Variants in LRFN2 observed in about 807,000 individuals in gnomAD.
LRFN2 encodes leucine-rich repeat and fibronectin type-III domain-containing protein 2.
Under a neutral mutation model 37.3 loss-of-function variants are expected in LRFN2, and 18 were observed. The observed-to-expected ratio is 0.48, with a 90% confidence interval of 0.33 to 0.72. The LOEUF is 0.72. LRFN2 is among the 30% of genes least tolerant of loss of function. The pLI is 0.02. For missense variants in LRFN2, 1,006 were observed against 1,060.7 expected, an observed-to-expected ratio of 0.95 and a Z score of 0.72; for synonymous variants, 556 against 466.6, an observed-to-expected ratio of 1.19 and a Z score of -2.47.
chr6:40,494,364 C>T (rs531367178), intron 1 of LRFN2, among the ~76,000 whole-genome samples: 1 of 152,260 alleles, frequency 6.6e-6, no homozygotes, highest in South Asian at 2.1e-4. Context: ...GGCTTAGTTT[C>T]CCCACCCCCG....
At chr6:40,533,936 C>T (rs1047372056) in intron 1 of LRFN2, among the ~76,000 whole-genome samples, 2 of 152,192 alleles carry the variant, frequency 1.3e-5, no homozygotes, top group African/African-American at 4.8e-5. Flanking sequence ...CCAAATTCAC[C>T]GGACACTCGG....
In LRFN2 at chr6:40,431,940, G is replaced by C. The variant is rs1763498576; in HGVS notation, c.1174C>G (p.Pro392Ala). 1 of 1,613,574 alleles carries C rather than the reference G, an allele frequency of 6.2e-7. No homozygotes were observed. Among genetic ancestry groups the C allele is most frequent in the Non-Finnish European group, 8.5e-7 (1 of 1,179,966 alleles). ...LSNSTSRTAP[P>A]KSRLSDITGS... ...GTGATGTCTGAGAGGCGGGACTTGG[G>C]GGGTGCAGTGCGGCTGGTGCTGTTG... The change falls in exon 2 of 3, where the codon CCC (proline) becomes GCC (alanine). Residue 392 changes from proline to alanine, a missense_variant. By Grantham distance (27) the Pro-to-Ala change is conservative. Coordinates refer to ENST00000338305, the MANE Select transcript of LRFN2 (RefSeq NM_020737.3).
At chr6:40,514,173 G>A (rs1420065143) in intron 1 of LRFN2, among the ~76,000 whole-genome samples, 2 of 152,208 alleles carry the variant, frequency 1.3e-5, no homozygotes, top group African/African-American at 4.8e-5. Context: ...ATGCTCTACA[G>A]GGTGTTCTGT....
chr6:40,507,954 C>G (rs77224137), intron 1 of LRFN2, among the ~76,000 whole-genome samples: 5 of 152,258 alleles, frequency 3.3e-5, no homozygotes, highest in African/African-American at 1.2e-4. Flanking sequence ...TAGCTGTCCT[C>G]AAGGTGGGAG....
intron 1 of LRFN2, among the ~76,000 whole-genome samples, chr6:40,559,166 C>T (rs1766946193): frequency 6.6e-6 from 1 of 152,006 alleles, no homozygotes; most frequent in Non-Finnish European, 1.5e-5. Context: ...AGAGAGGCTA[C>T]TCTGTGTCAA....
chr6:40,527,742 T>C (rs1159148428), intron 1 of LRFN2, among the ~76,000 whole-genome samples: 1 of 152,200 alleles, frequency 6.6e-6, no homozygotes, highest in African/African-American at 2.4e-5. Flanking sequence ...TCATTAATGA[T>C]CAGTTAATGA....
At chr6:40,418,344 T>G (rs1045212682) in intron 2 of LRFN2, among the ~76,000 whole-genome samples, 4 of 152,174 alleles carry the variant, frequency 2.6e-5, no homozygotes, top group Admixed American at 2.6e-4. Context: ...TTACACTGCT[T>G]ATTTTTCTTC....
At chr6:40,441,394 G>A (rs778116937) in intron 1 of LRFN2, among the ~76,000 whole-genome samples, 1 of 152,136 alleles carries the variant, frequency 6.6e-6, no homozygotes, top group Non-Finnish European at 1.5e-5. Context: ...GTGTGAGTGA[G>A]GGGGCCTCAC....
In LRFN2 at chr6:40,540,035, C is replaced by T. The variant is rs576029651; in HGVS notation, c.-19+46906G>A. Reference sequence around the variant, plus strand: ...GGAAAAGAAGCACTGGGTTGGGAGTCGGAGTCACAGCCCTGGCGCCGCACA... The same window carrying T: ...GGAAAAGAAGCACTGGGTTGGGAGTTGGAGTCACAGCCCTGGCGCCGCACA... On this transcript the variant is annotated intron_variant, in intron 1 of 2. Coordinates refer to ENST00000338305, the MANE Select transcript of LRFN2 (RefSeq NM_020737.3). Among the ~76,000 whole-genome samples the T allele has an allele frequency of 4.1e-4, 63 of 152,210 alleles. 1 individual carries two copies. The South Asian group carries it at 4.8e-3, about 12-fold the overall frequency.
At chr6:40,533,449 CAG>C (rs1766389247) in intron 1 of LRFN2, among the ~76,000 whole-genome samples, 1 of 150,844 alleles carries the variant, frequency 6.6e-6, no homozygotes, top group African/African-American at 2.5e-5. Flanking sequence ...GAGGGAAAGA[CAG>C]AGAGAGAATT....
intron 2 of LRFN2, among the ~76,000 whole-genome samples, chr6:40,429,183 T>G (rs1763421225): frequency 6.6e-6 from 1 of 152,220 alleles, no homozygotes; most frequent in African/African-American, 2.4e-5. Flanking sequence ...AGAAAGTTAG[T>G]GTCTCCAGGT....
chr6:40,404,736 G>T (rs779662824), intron 2 of LRFN2, among the ~76,000 whole-genome samples: 5 of 152,202 alleles, frequency 3.3e-5, no homozygotes, highest in Non-Finnish European at 7.3e-5. Flanking sequence ...AGGTGATGTT[G>T]TCCAGCTTTG....
At chr6:40,456,086 C>T (rs560763663) in intron 1 of LRFN2, among the ~76,000 whole-genome samples, 3 of 152,230 alleles carry the variant, frequency 2.0e-5, no homozygotes, top group South Asian at 4.1e-4. Flanking sequence ...GAGAAGGGGC[C>T]TCAGTTCTAC....
intron 2 of LRFN2, among the ~76,000 whole-genome samples, chr6:40,403,628 G>T (rs528208816): frequency 9.2e-5 from 14 of 152,262 alleles, no homozygotes; most frequent in African/African-American, 3.4e-4. Flanking sequence ...ATCCTCAGGT[G>T]TACCCGGACA....
chr6:40,516,958 A>C (rs1033918734), intron 1 of LRFN2, among the ~76,000 whole-genome samples: 1 of 152,158 alleles, frequency 6.6e-6, no homozygotes, highest in African/African-American at 2.4e-5. Flanking sequence ...GTCTACTATG[A>C]ACTAGGCCCT....
At chr6:40,469,438 G>C (rs931318344) in intron 1 of LRFN2, among the ~76,000 whole-genome samples, 6 of 152,158 alleles carry the variant, frequency 3.9e-5, no homozygotes, top group African/African-American at 1.4e-4. Context: ...GGCTAGTAGG[G>C]CCTGTTAGTC....
intron 1 of LRFN2, among the ~76,000 whole-genome samples, chr6:40,465,571 C>A (rs889337933): frequency 8.5e-5 from 13 of 152,108 alleles, no homozygotes; most frequent in Admixed American, 8.5e-4. Flanking sequence ...CTGGGAAAAT[C>A]CAACATAAGA....
At chr6:40,510,868 C>T (rs1409126032) in intron 1 of LRFN2, among the ~76,000 whole-genome samples, 1 of 151,994 alleles carries the variant, frequency 6.6e-6, no homozygotes, top group Non-Finnish European at 1.5e-5. Flanking sequence ...GAGACTCACA[C>T]AGCAGTGATG....
rs1762512934 is a variant in LRFN2, at chr6:40,391,999, C to A, written c.2314G>T (p.Val772Leu). 3 of 1,608,228 alleles carry A rather than the reference C, an allele frequency of 1.9e-6. No individual in the cohort carries two copies. In the Admixed American group the frequency reaches 5.1e-5, roughly 27 times the overall value. Residue 772 changes from valine to leucine, a missense_variant, in exon 3 of 3, where the codon GTG (valine) becomes TTG (leucine). Physicochemically the swap from Val to Leu is conservative, Grantham distance 32. Transcript: ENST00000338305. Reference sequence around the variant, plus strand: ...CTGCCAAAAGTCCCCCGGGCCCCCACCAGGTCACTCTCCTCAAAGGGCAAG... The same window carrying A: ...CTGCCAAAAGTCCCCCGGGCCCCCAACAGGTCACTCTCCTCAAAGGGCAAG... The part of the protein sequence containing the change: ...MLLPFEESDL[V>L]GARGTFGSSE...
Sources: allele counts gnomAD v4.1 joint callset (sites outside exome capture counted in the v4.1 genomes callset), GRCh38; gene constraint gnomAD v4.1.1; transcripts MANE v1.5; gene names NCBI Gene and HGNC (gene_info 2026-07-23, HGNC 2026-07-21).